LY75: variants seen among roughly 807,000 people sequenced by gnomAD.
LY75 encodes C-type lectin domain family 13 member B.
Under a neutral mutation model 231.7 loss-of-function variants are expected in LY75, and 185 were observed. The observed-to-expected ratio is 0.80, with a 90% CI of 0.71 to 0.90. The LOEUF is 0.90. Ranked by LOEUF, LY75 falls within the 40% of genes least tolerant of loss-of-function variation. LY75 has a pLI of 0.00. For synonymous variants in LY75, 668 were observed against 689.0 expected (o/e 0.97, Z 0.48); for missense variants, 1,947 against 2,050.2 (o/e 0.95, Z 0.97).
chr2:159,874,637 G>A (rs192980846), intron 12 of LY75, among the ~76,000 whole-genome samples: 36 of 3,424 alleles, frequency 0.011, no homozygotes, highest in African/African-American at 0.021. Context: ...GTAAATATAT[G>A]TAAATATATA....
chr2:159,875,779 A>C, intron 11 of LY75, 136 bp from the exon 12 acceptor site: 1 of 1,070,826 alleles, frequency 9.3e-7, no homozygotes, highest in Non-Finnish European at 1.3e-6. Flanking sequence ...GGAAAGAAAT[A>C]TGTTGTTCAG....
At chr2:159,893,849 C>T in intron 3 of LY75, 65 bp downstream of exon 3, 1 of 1,510,094 alleles carries the variant, frequency 6.6e-7, no homozygotes, top group Non-Finnish European at 8.8e-7. Context: ...TGAACTCTTC[C>T]TTCTCCCTAT....
intron 15 of LY75, among the ~76,000 whole-genome samples, chr2:159,860,035 C>A (rs1684659113): frequency 6.6e-6 from 1 of 152,196 alleles, no homozygotes; most frequent in South Asian, 2.1e-4. Flanking sequence ...TCCTACTAGA[C>A]TTTAGTTTTG....
chr2:159,884,072 G>A (rs1685515125), intron 6 of LY75, among the ~76,000 whole-genome samples: 2 of 152,150 alleles, frequency 1.3e-5, no homozygotes, highest in African/African-American at 2.4e-5. Flanking sequence ...TCGTGATAGC[G>A]AATAAGTCTC....
chr2:159,852,193 C>CT lies in LY75; in HGVS notation c.2883+7dup. Reference sequence around the variant, plus strand: ...CATTGTTGCATAATGTAGCAATTCTCTTTTTACCTTATTCTGAAAAGGAAT... The same window carrying CT: ...CATTGTTGCATAATGTAGCAATTCTCTTTTTTACCTTATTCTGAAAAGGAAT... On this transcript the variant is annotated splice_region_variant and intron_variant, in intron 21 of 34. Coordinates refer to ENST00000263636, the MANE Select transcript of LY75 (RefSeq NM_002349.4). 3.7e-6 allele frequency: 6 copies of CT among 1,612,998 alleles called. No homozygotes were observed. The highest frequency in any genetic ancestry group is 4.2e-6 in the Non-Finnish European group (5 of 1,179,524).
At chr2:159,877,009 CAAAA>C (rs58831835) in intron 11 of LY75, among the ~76,000 whole-genome samples, 8 of 90,518 alleles carry the variant, frequency 8.8e-5, no homozygotes, top group East Asian at 6.7e-4. Context: ...AACTCCATCT[CAAAA>C]AAAAAAAAAA....
chr2:159,806,900 T>G, intron 34 of LY75, 73 bp downstream of exon 34: 1 of 1,498,076 alleles, frequency 6.7e-7, no homozygotes, highest in East Asian at 2.3e-5. Context: ...CAGAATTTTG[T>G]ACATAATTGG....
intron 26 of LY75, among the ~76,000 whole-genome samples, 172 bp from the exon 27 acceptor site, chr2:159,834,383 T>C (rs1683757755): frequency 6.6e-6 from 1 of 152,170 alleles, no homozygotes; most frequent in Non-Finnish European, 1.5e-5. Flanking sequence ...CAGCTTTCTA[T>C]AGGAAGGAAA....
chr2:159,870,873 C>G (rs1353872596), intron 13 of LY75, among the ~76,000 whole-genome samples: 1 of 150,872 alleles, frequency 6.6e-6, no homozygotes, highest in African/African-American at 2.5e-5. Context: ...TAGCCATTAC[C>G]CTTTTTGCAG....
rs746382082 is a variant in LY75, at chr2:159,805,071, C to G, written c.5142G>C (p.Glu1714Asp). ...VRYAQGVNEDEIMLPSFHD is the reference protein window; with the variant it reads ...VRYAQGVNEDDIMLPSFHD ...AGTCATGGAAAGAAGGAAGCATAAT[C>G]TCATCTTCATTCACTCCTTGTGCAT... Residue 1714 changes from glutamate to aspartate, a missense_variant, in exon 35 of 35, where the codon GAG (glutamate) becomes GAC (aspartate). Coordinates refer to ENST00000263636, the MANE Select transcript of LY75 (RefSeq NM_002349.4). 4 of 1,613,914 alleles carry G rather than the reference C, an allele frequency of 2.5e-6. No homozygotes were observed. Among genetic ancestry groups the G allele is most frequent in the Non-Finnish European group, 3.4e-6 (4 of 1,179,946 alleles).
intron 28 of LY75, among the ~76,000 whole-genome samples, chr2:159,823,379 A>C (rs1683361162): frequency 6.6e-6 from 1 of 152,186 alleles, no homozygotes; most frequent in African/African-American, 2.4e-5. Context: ...TGAAATAAAG[A>C]GAGAAGACAC....
Position 159,833,960 on chromosome 2 carries a change from C to T in LY75, c.3841+84G>A, listed in dbSNP as rs1200302690. ...CCCCAGCCATGTGGAACTGTGAGGCCATTAAACCTCTTTTTCTTTATAAAT... is the reference window on the plus strand; with the variant it reads ...CCCCAGCCATGTGGAACTGTGAGGCTATTAAACCTCTTTTTCTTTATAAAT... On this transcript the variant is annotated intron_variant, in intron 27 of 34. Transcript: ENST00000263636. 4 of 1,460,644 alleles carry T rather than the reference C, an allele frequency of 2.7e-6. No individual in the cohort carries two copies. In the African/African-American group the frequency reaches 5.7e-5, roughly 21 times the overall value. 90.5% of individuals were successfully genotyped at this position (1,460,644 alleles called of 1,614,324 possible).
chr2:159,822,434 T>C lies in LY75; in HGVS notation c.3959-2514A>G, dbSNP rs535761893. On this transcript the variant is annotated intron_variant, in intron 28 of 34. Coordinates refer to ENST00000263636, the MANE Select transcript of LY75 (RefSeq NM_002349.4). The stretch of plus-strand genomic sequence containing the variant: ...AACAAAGCTGCTGGGAAGTTTGAAC[T>C]GGGTGGAGCCCACTGCAGCTCAGCA... 3.3e-5 allele frequency among the ~76,000 whole-genome samples: 5 copies of C among 152,328 alleles called. No homozygotes were observed. In the South Asian group the frequency reaches 1.0e-3, roughly 32 times the overall value.
intron 14 of LY75, among the ~76,000 whole-genome samples, chr2:159,861,654 A>G (rs926978991): frequency 2.6e-5 from 4 of 152,078 alleles, no homozygotes; most frequent in Non-Finnish European, 5.9e-5. Context: ...ATGAGGATCA[A>G]TTGAACCCAG....
chr2:159,812,227 T>C (rs1040226956), intron 31 of LY75: 3 of 152,004 alleles, frequency 2.0e-5, no homozygotes, highest in African/African-American at 4.8e-5. Context: ...AACTGGGGTC[T>C]CTTAGGCTGC....
Position 159,854,934 on chromosome 2 carries a change from T to C in LY75, c.2389A>G (p.Thr797Ala). ...EWVCQIPKGRTPKTPDWYNPD... is the reference protein window; with the variant it reads ...EWVCQIPKGRAPKTPDWYNPD... ...TTGTACCAGTCTGGTGTTTTTGGAG[T>C]ACGGCCTGTATGAGGAAGAAAGCAA... Residue 797 changes from threonine to alanine, a missense_variant, in exon 17 of 35, where the codon ACT (threonine) becomes GCT (alanine). Coordinates refer to ENST00000263636, the MANE Select transcript of LY75 (RefSeq NM_002349.4). 1 of 1,613,846 alleles carries C rather than the reference T, an allele frequency of 6.2e-7. No individual in the cohort carries two copies. Among genetic ancestry groups the C allele is most frequent in the Non-Finnish European group, 8.5e-7 (1 of 1,179,862 alleles).
At chr2:159,876,890 T>C (rs1236782728) in intron 11 of LY75, among the ~76,000 whole-genome samples, 1 of 150,748 alleles carries the variant, frequency 6.6e-6, no homozygotes, top group Non-Finnish European at 1.5e-5. Flanking sequence ...GTGCCTGTAA[T>C]CCCAGCTACT....
At chr2:159,828,150 A>C (rs1683536495) in intron 28 of LY75, among the ~76,000 whole-genome samples, 1 of 151,784 alleles carries the variant, frequency 6.6e-6, no homozygotes, top group Non-Finnish European at 1.5e-5. Flanking sequence ...TGGCATAAGT[A>C]AAGTCATGGG....
intron 6 of LY75, 23 bp from the exon 7 acceptor site, chr2:159,882,338 T>C: frequency 6.2e-7 from 1 of 1,607,964 alleles, no homozygotes; most frequent in East Asian, 2.2e-5. Context: ...CAGCTATTTA[T>C]ATTCCAGTAA....
Sources: gnomAD v4.1 joint callset for allele counts (sites outside exome capture counted in the v4.1 genomes callset) on GRCh38, gnomAD v4.1.1 for gene constraint, MANE v1.5 for transcripts, NCBI Gene and HGNC (gene_info 2026-07-23, HGNC 2026-07-21) for gene names.